The following IFT122 variants were observed in gnomAD, a reference collection of about 807,000 sequenced individuals.
The protein encoded by IFT122 is intraflagellar transport 122, also known as intraflagellar transport protein 122 homolog.
Under a neutral mutation model 161.6 loss-of-function variants are expected in IFT122, and 118 were observed. That is an observed-to-expected ratio of 0.73 (90% CI 0.63 to 0.85). IFT122 has a LOEUF of 0.85. Ranked by LOEUF, IFT122 falls within the 40% of genes least tolerant of loss-of-function variation. IFT122 has a pLI of 0.00. For synonymous variants in IFT122, 550 were observed against 602.4 expected (o/e 0.91, Z 1.27); for missense variants, 1,381 against 1,579.6 (o/e 0.87, Z 2.13).
intron 3 of IFT122, among the ~76,000 whole-genome samples, chr3:129,455,358 A>T (rs1269641626): frequency 1.3e-5 from 2 of 151,944 alleles, no homozygotes; most frequent in African/African-American, 4.8e-5. Context: ...TTTTCAGTAG[A>T]GACAGGGTTT....
chr3:129,512,808 G>A (rs1274137968), intron 24 of IFT122: 1 of 278,054 alleles, frequency 3.6e-6, no homozygotes, highest in Non-Finnish European at 7.0e-6. Flanking sequence ...AGCACCTTCT[G>A]TGCCCCAAGC....
chr3:129,510,996 G>A (rs1331582087), intron 23 of IFT122, among the ~76,000 whole-genome samples: 2 of 152,226 alleles, frequency 1.3e-5, no homozygotes, highest in Non-Finnish European at 2.9e-5. Flanking sequence ...AATGGGGCAA[G>A]TGAAGTGGAG....
intron 3 of IFT122, 95 bp from the exon 4 acceptor site, chr3:129,458,504 T>C: frequency 4.9e-6 from 5 of 1,018,826 alleles, no homozygotes; most frequent in Non-Finnish European, 7.8e-6. Context: ...TAACACTTAC[T>C]AGGTACCTTA....
chr3:129,440,354 A>C lies in IFT122; in HGVS notation c.24A>C (p.Arg8Ser), dbSNP rs2072782574. Reference sequence around the variant, plus strand: ...TGATGAGGGCCGTGTTGACGTGGAGAGATAAAGCCGAGCACTGGTGAGGAG... The same window carrying C: ...TGATGAGGGCCGTGTTGACGTGGAGCGATAAAGCCGAGCACTGGTGAGGAG... The part of the protein sequence containing the change: MRAVLTW[R>S]DKAEHCINDI... The change falls in exon 1 of 30, where the codon AGA becomes AGC. Residue 8 changes from arginine (R) to serine (S), a missense_variant. Coordinates refer to ENST00000348417, the MANE Select transcript of IFT122 (RefSeq NM_052989.3). The C allele has an allele frequency of 6.4e-7, 1 of 1,550,658 alleles. No individual in the cohort carries two copies. The highest frequency in any genetic ancestry group is 1.4e-5 in the African/African-American group (1 of 73,012).
intron 8 of IFT122, among the ~76,000 whole-genome samples, chr3:129,467,317 T>A (rs1237861232): frequency 6.6e-6 from 1 of 152,132 alleles, no homozygotes; most frequent in Non-Finnish European, 1.5e-5. Flanking sequence ...TAAAACCCCA[T>A]CCCCTGAGGA....
chr3:129,465,063 G>A (rs1315861494), intron 7 of IFT122, among the ~76,000 whole-genome samples: 1 of 151,816 alleles, frequency 6.6e-6, no homozygotes, highest in Non-Finnish European at 1.5e-5. Context: ...TGTGTGGCGT[G>A]TGTGTCTGCG....
At chr3:129,459,078 C>G (rs1274038307) in intron 4 of IFT122, among the ~76,000 whole-genome samples, 2 of 152,196 alleles carry the variant, frequency 1.3e-5, no homozygotes, top group East Asian at 1.9e-4. Flanking sequence ...TGTTCTTCCC[C>G]TGTTCCTCTA....
intron 1 of IFT122, among the ~76,000 whole-genome samples, chr3:129,442,280 C>T (rs918946991): frequency 2.0e-5 from 3 of 151,908 alleles, no homozygotes; most frequent in Non-Finnish European, 4.4e-5. Flanking sequence ...CTAATAAACC[C>T]GTTAAAGGCA....
At chr3:129,519,547 T>G in intron 28 of IFT122, 21 bp from the exon 29 acceptor site, 1 of 1,612,166 alleles carries the variant, frequency 6.2e-7, no homozygotes, top group Non-Finnish European at 8.5e-7. Flanking sequence ...ACACTGTGCC[T>G]CCTTCCCGCC....
At chr3:129,465,863 C>T (rs1463782491) in intron 7 of IFT122, among the ~76,000 whole-genome samples, 5 of 136,520 alleles carry the variant, frequency 3.7e-5, no homozygotes, top group Admixed American at 7.3e-5. Context: ...AGGATGGTCT[C>T]GATCTCCTGA....
intron 24 of IFT122, chr3:129,513,740 G>A: frequency 5.2e-6 from 1 of 190,660 alleles, no homozygotes; most frequent in South Asian, 1.0e-4. Flanking sequence ...GGGCTGCACT[G>A]CAGACGGCGG....
rs2076222216 is a variant in IFT122 at position 129,461,633 on chromosome 3, C to T, written c.349+329C>T. ...GGTGTTGCTGCCTCTGGGAAGCCTTCCCTGACTCACCCTGGCAGAGACAGT... is the reference window on the plus strand; with the variant it reads ...GGTGTTGCTGCCTCTGGGAAGCCTTTCCTGACTCACCCTGGCAGAGACAGT... On this transcript the variant is annotated intron_variant, in intron 5 of 29. Transcript: ENST00000348417. 1.2e-5 allele frequency: 5 copies of T among 409,510 alleles called. 1 individual carries two copies. Among genetic ancestry groups the T allele is most frequent in the Admixed American group, 7.2e-5 (2 of 27,770 alleles). The allele number at this position is 409,510 out of a possible 1,614,324, so 25.4% of individuals were successfully genotyped here. A position where few individuals can be genotyped will look rare whatever the true frequency, so the allele number is the denominator to read the frequency against.
chr3:129,502,413 C>T (rs138726986), intron 19 of IFT122, among the ~76,000 whole-genome samples: 28 of 152,282 alleles, frequency 1.8e-4, no homozygotes, highest in African/African-American at 4.8e-4. Flanking sequence ...AAGCTCATGG[C>T]GTCATCTGGG....
At chr3:129,473,464 T>C (rs1409950399) in intron 9 of IFT122, among the ~76,000 whole-genome samples, 5 of 152,264 alleles carry the variant, frequency 3.3e-5, no homozygotes, top group Admixed American at 3.3e-4. Context: ...ATCCATCATG[T>C]TCCTCTGAAG....
chr3:129,476,200 C>T (rs572884858), intron 9 of IFT122, 115 bp from the exon 10 acceptor site: 2 of 1,118,750 alleles, frequency 1.8e-6, no homozygotes, highest in Non-Finnish European at 2.7e-6. Flanking sequence ...GGCTGGCCAG[C>T]TCTCCCTGTC....
At chr3:129,506,625 A>C in intron 22 of IFT122, 76 bp downstream of exon 22, 2 of 1,592,808 alleles carry the variant, frequency 1.3e-6, no homozygotes, top group Non-Finnish European at 1.7e-6. Flanking sequence ...AAGAGCTGGG[A>C]CATTTTAATT....
At chr3:129,493,616 C>T (rs149824116) in intron 17 of IFT122, among the ~76,000 whole-genome samples, 21 of 152,356 alleles carry the variant, frequency 1.4e-4, no homozygotes, top group African/African-American at 5.1e-4. Flanking sequence ...CTCTCGGCCA[C>T]ATACCCTCCC....
intron 9 of IFT122, among the ~76,000 whole-genome samples, chr3:129,470,188 A>C (rs1365298760): frequency 1.3e-5 from 2 of 152,168 alleles, no homozygotes; most frequent in African/African-American, 4.8e-5. Flanking sequence ...ACTGCATCTC[A>C]GAGTTTGTGA....
intron 2 of IFT122, among the ~76,000 whole-genome samples, chr3:129,451,687 A>G (rs570873048): frequency 6.6e-6 from 1 of 152,272 alleles, no homozygotes; most frequent in South Asian, 2.1e-4. Flanking sequence ...GTTCTCAAGG[A>G]TTGGTAGTAT....
Sources: allele counts gnomAD v4.1 joint callset (sites outside exome capture counted in the v4.1 genomes callset), GRCh38; gene constraint gnomAD v4.1.1; transcripts MANE v1.5; gene names NCBI Gene and HGNC (gene_info 2026-07-23, HGNC 2026-07-21).